SGCD: variants seen among roughly 807,000 people sequenced by gnomAD.
SGCD encodes the protein delta-sarcoglycan.
In SGCD, 18 loss-of-function variants were observed where a neutral mutation model predicts 36.6. That is an observed-to-expected ratio of 0.49 (90% CI 0.34 to 0.73). The LOEUF (loss-of-function observed/expected upper bound fraction) is 0.73. Among genes scored for constraint, SGCD ranks in the 30% least tolerant of loss-of-function variants. The pLI is 0.01. For missense variants in SGCD, 387 were observed against 346.7 expected, an observed-to-expected ratio of 1.12 and a Z score of -0.92; for synonymous variants, 133 against 130.6, an observed-to-expected ratio of 1.02 and a Z score of -0.12.
At chr5:156,197,515 A>G (rs993119037) in intron 3 of SGCD, among the ~76,000 whole-genome samples, 2 of 140,460 alleles carry the variant, frequency 1.4e-5, no homozygotes, top group Non-Finnish European at 3.0e-5. Context: ...TTTATAGCTC[A>G]CAGTATTAGG....
intron 3 of SGCD, among the ~76,000 whole-genome samples, chr5:156,173,225 T>A (rs1195836111): frequency 6.6e-6 from 1 of 152,196 alleles, no homozygotes; most frequent in Non-Finnish European, 1.5e-5. Flanking sequence ...GATTATGACC[T>A]ACTTTATGAT....
chr5:156,667,569 C>A (rs1753104041), intron 7 of SGCD, among the ~76,000 whole-genome samples: 1 of 152,134 alleles, frequency 6.6e-6, no homozygotes, highest in South Asian at 2.1e-4. Context: ...GACCAAATAA[C>A]AGCATAGTTA....
intron 1 of SGCD, among the ~76,000 whole-genome samples, chr5:155,959,122 G>A (rs1467254655): frequency 6.6e-6 from 1 of 152,066 alleles, no homozygotes; most frequent in Non-Finnish European, 1.5e-5. Flanking sequence ...AGAATCTTAT[G>A]GTACCACTTG....
chr5:156,508,783 G>A, intron 4 of SGCD, 81 bp downstream of exon 4: 2 of 815,772 alleles, frequency 2.5e-6, no homozygotes, highest in Non-Finnish European at 4.0e-6. Context: ...TATCAGCTGA[G>A]TACAGAGAAT....
intron 3 of SGCD, among the ~76,000 whole-genome samples, chr5:156,414,968 T>G (rs1772949014): frequency 6.6e-6 from 1 of 152,180 alleles, no homozygotes; most frequent in South Asian, 2.1e-4. Flanking sequence ...AACTATATTT[T>G]TATTATGCCC....
At chr5:156,707,442 C>G (rs916840775) in intron 7 of SGCD, among the ~76,000 whole-genome samples, 1 of 152,116 alleles carries the variant, frequency 6.6e-6, no homozygotes, top group African/African-American at 2.4e-5. Context: ...ATCTTACTAC[C>G]AGACCCAGTC....
intron 3 of SGCD, among the ~76,000 whole-genome samples, chr5:156,248,677 A>G (rs1765500265): frequency 6.6e-6 from 1 of 152,226 alleles, no homozygotes; most frequent in African/African-American, 2.4e-5. Context: ...GACGATAGCA[A>G]TCCACTGAAG....
chr5:156,258,408 A>C (rs1765766323), intron 3 of SGCD, among the ~76,000 whole-genome samples: 1 of 152,228 alleles, frequency 6.6e-6, no homozygotes, highest in Non-Finnish European at 1.5e-5. Flanking sequence ...TAAAAGGAGG[A>C]CCAATGAACT....
At chr5:156,423,215 T>A (rs1368322402) in intron 3 of SGCD, among the ~76,000 whole-genome samples, 1 of 100,480 alleles carries the variant, frequency 1.0e-5, no homozygotes, top group African/African-American at 4.4e-5. Flanking sequence ...TATTATAATA[T>A]AATATAATAT....
At chr5:156,185,749 A>T (rs1359750224) in intron 3 of SGCD, among the ~76,000 whole-genome samples, 1 of 150,142 alleles carries the variant, frequency 6.7e-6, no homozygotes, top group African/African-American at 2.4e-5. Flanking sequence ...ACCTCAACAA[A>T]TGTCACTTCT....
intron 5 of SGCD, among the ~76,000 whole-genome samples, chr5:156,591,728 GT>G (rs934506566): frequency 6.6e-6 from 1 of 152,090 alleles, no homozygotes; most frequent in Non-Finnish European, 1.5e-5. Context: ...AGGAATAGTG[GT>G]TTTTTTCTTC....
chr5:156,363,020 A>C (rs10043401), intron 3 of SGCD, among the ~76,000 whole-genome samples: 24,781 of 151,862 alleles, frequency 0.16, 3,041 homozygotes, highest in African/African-American at 0.34. Context: ...GATGGTTTCT[A>C]AAATCTATGA....
chr5:155,859,354 A>G, the SGCD span, among the ~76,000 whole-genome samples: 1 of 152,178 alleles, frequency 6.6e-6, no homozygotes. Flanking sequence ...GGCATGAGCC[A>G]CTGTGCTTGG....
intron 3 of SGCD, among the ~76,000 whole-genome samples, chr5:156,430,447 C>G (rs1773887273): frequency 6.6e-6 from 1 of 151,850 alleles, no homozygotes; most frequent in Non-Finnish European, 1.5e-5. Flanking sequence ...TCTGGTATCT[C>G]CTTGAGTAGC....
intron 1 of SGCD, among the ~76,000 whole-genome samples, chr5:155,905,146 C>G (rs1182044432): frequency 3.3e-5 from 5 of 152,146 alleles, no homozygotes; most frequent in Non-Finnish European, 5.9e-5. Flanking sequence ...CAAGATGTCT[C>G]TCGTAGCCAA....
intron 1 of SGCD, among the ~76,000 whole-genome samples, chr5:156,106,764 G>C (rs1397294372): frequency 2.6e-5 from 4 of 152,072 alleles, no homozygotes; most frequent in African/African-American, 9.7e-5. Flanking sequence ...TCTCTTTCTT[G>C]CCCACTAATA....
intron 3 of SGCD, among the ~76,000 whole-genome samples, chr5:156,193,275 C>G (rs1385102696): frequency 1.3e-5 from 2 of 152,160 alleles, no homozygotes; most frequent in East Asian, 3.9e-4. Flanking sequence ...TTACTCTCCT[C>G]TTGATTTCCA....
At chr5:156,713,890 C>A (rs1332800482) in intron 7 of SGCD, among the ~76,000 whole-genome samples, 1 of 152,224 alleles carries the variant, frequency 6.6e-6, no homozygotes, top group Non-Finnish European at 1.5e-5. Context: ...CTAATCCCTT[C>A]ACCAATCCAG....
chr5:156,629,860 T>C (rs1219977933), intron 6 of SGCD, among the ~76,000 whole-genome samples: 1 of 143,514 alleles, frequency 7.0e-6, no homozygotes, highest in Non-Finnish European at 1.6e-5. Flanking sequence ...TTTTTCTTTT[T>C]TTTTTTTTTT....
Sources: allele counts gnomAD v4.1 joint callset (sites outside exome capture counted in the v4.1 genomes callset), GRCh38; gene constraint gnomAD v4.1.1; transcripts MANE v1.5; gene names NCBI Gene and HGNC (gene_info 2026-07-23, HGNC 2026-07-21).